Variants in APLF observed in about 807,000 individuals in gnomAD.
The protein encoded by APLF is aprataxin and PNK-like factor.
A neutral mutation model predicts 55.6 loss-of-function variants in APLF; 61 were observed. The ratio of observed to expected loss-of-function variants is 1.10; its 90% CI spans 0.89 to 1.36. The LOEUF is 1.36. APLF is among the 40% of genes most tolerant of loss of function. The pLI is 0.00. For synonymous variants in APLF, 207 were observed against 214.8 expected, an observed-to-expected ratio of 0.96 and a Z score of 0.32; for missense variants, 611 against 602.5, an observed-to-expected ratio of 1.01 and a Z score of -0.15.
intron 8 of APLF, among the ~76,000 whole-genome samples, chr2:68,560,396 A>G (rs976531192): frequency 6.6e-6 from 1 of 151,752 alleles, no homozygotes; most frequent in Non-Finnish European, 1.5e-5. Flanking sequence ...CTATTTAAAC[A>G]TGGTTTGTAG....
At position 68,502,893 on chromosome 2, in the gene APLF, T is replaced by G; in HGVS notation, c.331T>G (p.Cys111Gly). 6.2e-7 allele frequency: 1 copy of G among 1,602,862 alleles called. No individual in the cohort carries two copies. The highest frequency in any genetic ancestry group is 1.3e-5 in the African/African-American group (1 of 74,150). Residue 111 changes from cysteine to glycine, a missense_variant, in exon 3 of 10, where the codon TGT (cysteine) becomes GGT (glycine). Cys to Gly is a radical substitution (Grantham distance 159, BLOSUM62 -3). Coordinates refer to ENST00000303795, the MANE Select transcript of APLF (RefSeq NM_173545.3). Reference sequence around the variant, plus strand: ...TATACCCTCTGAAGTGGAAATGCAATGTACCTTAAGGTAAGTGCCTGATGA... The same window carrying G: ...TATACCCTCTGAAGTGGAAATGCAAGGTACCTTAAGGTAAGTGCCTGATGA... Reference protein sequence around the residue: ...LSIPSEVEMQCTLRNSQVLDE... With the variant: ...LSIPSEVEMQGTLRNSQVLDE...
At chr2:68,530,905 AAGGG>A (rs1670236096) in intron 6 of APLF, among the ~76,000 whole-genome samples, 5 of 152,200 alleles carry the variant, frequency 3.3e-5, no homozygotes, top group Non-Finnish European at 5.9e-5. Flanking sequence ...CTGGAAAAAA[AAGGG>A]AGGACCACTT....
Position 68,526,203 on chromosome 2 carries a change from C to T in APLF, c.765C>T (p.Cys255=), listed in dbSNP as rs527990506. ...TSAEQDTGEE[C]KNTDQEESTI... Reference sequence around the variant, plus strand: ...CAGAACAAGACACAGGAGAAGAGTGCAAAAATACTGATCAGGAAGAGTCTA... The same window carrying T: ...CAGAACAAGACACAGGAGAAGAGTGTAAAAATACTGATCAGGAAGAGTCTA... The change falls in exon 6 of 10, where the codon TGC becomes TGT. Residue 255 remains cysteine (C), a synonymous_variant. Coordinates refer to ENST00000303795, the MANE Select transcript of APLF (RefSeq NM_173545.3). The T allele has an allele frequency of 6.2e-7, 1 of 1,611,116 alleles. No homozygotes were observed. Among genetic ancestry groups the T allele is most frequent in the South Asian group, 1.1e-5 (1 of 90,088 alleles).
chr2:68,499,633 G>A (rs1465620624), intron 2 of APLF, among the ~76,000 whole-genome samples: 2 of 152,160 alleles, frequency 1.3e-5, no homozygotes, highest in Non-Finnish European at 2.9e-5. Context: ...GAGGCCAGGA[G>A]TTTGAGACCA....
intron 5 of APLF, among the ~76,000 whole-genome samples, chr2:68,519,042 A>AATAATATAATATATAATTAATATATAATG (rs1669801034): frequency 1.6e-5 from 2 of 126,932 alleles, no homozygotes; most frequent in African/African-American, 6.0e-5. Context: ...ATTAATATAT[A>AATAATATAATATATAATTAATATATAATG]ATAATATAAT....
At position 68,508,764 on chromosome 2, in the gene APLF, ACAATCCTAAGC is replaced by A. The variant is rs200664608; in HGVS notation, c.342-4312_342-4302del. Among the ~76,000 whole-genome samples the A allele has an allele frequency of 1.2e-3, 189 of 152,088 alleles. 4 individuals carry two copies. The East Asian group carries it at 0.026, about 21-fold the overall frequency. On this transcript the variant is annotated intron_variant, in intron 3 of 9. Coordinates refer to ENST00000303795, the MANE Select transcript of APLF (RefSeq NM_173545.3). Reference sequence around the variant, plus strand: ...ACAAAAAAGAGCCCACATTGCCAAGACAATCCTAAGCCAAAAGAACAAAGCTGGAGGCATCA... The same window carrying A: ...ACAAAAAAGAGCCCACATTGCCAAGACAAAAGAACAAAGCTGGAGGCATCA...
intron 1 of APLF, among the ~76,000 whole-genome samples, chr2:68,489,404 C>A (rs1676286226): frequency 6.6e-6 from 1 of 152,146 alleles, no homozygotes; most frequent in African/African-American, 2.4e-5. Flanking sequence ...TTTTCATTAT[C>A]TATCAATCAA....
intron 9 of APLF, among the ~76,000 whole-genome samples, chr2:68,577,366 G>A (rs1671654221): frequency 6.6e-6 from 1 of 152,134 alleles, no homozygotes; most frequent in African/African-American, 2.4e-5. Context: ...TGCTGTTCTT[G>A]TGGCAGAGGG....
At chr2:68,544,741 A>C (rs1030721769) in intron 7 of APLF, among the ~76,000 whole-genome samples, 2 of 152,246 alleles carry the variant, frequency 1.3e-5, no homozygotes, top group East Asian at 1.9e-4. Context: ...TAGTAAATGG[A>C]TTTAGTGATT....
chr2:68,572,843 A>G (rs1331755430), intron 9 of APLF, among the ~76,000 whole-genome samples: 2 of 122,564 alleles, frequency 1.6e-5, no homozygotes, highest in Non-Finnish European at 3.5e-5. Flanking sequence ...TGTCTCAACA[A>G]AACAAAACAA....
chr2:68,554,953 G>T (rs1000245607), intron 8 of APLF, among the ~76,000 whole-genome samples: 17 of 151,970 alleles, frequency 1.1e-4, no homozygotes, highest in African/African-American at 3.9e-4. Flanking sequence ...CTGGCATAAA[G>T]ATAGGCACAT....
At chr2:68,502,517 C>A (rs1416707013) in intron 2 of APLF, among the ~76,000 whole-genome samples, 2 of 151,378 alleles carry the variant, frequency 1.3e-5, no homozygotes, top group Non-Finnish European at 2.9e-5. Flanking sequence ...GGAGGTATAC[C>A]ATAGCTTCTT....
intron 8 of APLF, among the ~76,000 whole-genome samples, chr2:68,567,080 G>GT (rs1458042965): frequency 6.6e-6 from 1 of 151,868 alleles, no homozygotes. Flanking sequence ...TATATATTTT[G>GT]TCTTTTCCCT....
At chr2:68,496,160 G>A (rs754822414) in intron 2 of APLF, among the ~76,000 whole-genome samples, 1 of 152,196 alleles carries the variant, frequency 6.6e-6, no homozygotes, top group African/African-American at 2.4e-5. Context: ...GGAGTGTAGT[G>A]GTGTGATTTC....
intron 1 of APLF, among the ~76,000 whole-genome samples, chr2:68,481,362 G>GTTTTA (rs1355483371): frequency 5.2e-3 from 11 of 2,120 alleles, no homozygotes; most frequent in Non-Finnish European, 0.047. Context: ...TGGGCTGGCA[G>GTTTTA]TTTTGTTTTG....
intron 9 of APLF, among the ~76,000 whole-genome samples, chr2:68,577,015 GAC>G (rs1411711194): frequency 6.6e-6 from 1 of 152,128 alleles, no homozygotes; most frequent in African/African-American, 2.4e-5. Context: ...TGAATTTGGA[GAC>G]AGAAGAATTC....
intron 8 of APLF, among the ~76,000 whole-genome samples, chr2:68,552,697 A>T (rs779523183): frequency 8.5e-5 from 13 of 152,178 alleles, no homozygotes; most frequent in Admixed American, 2.0e-4. Context: ...TGCTTAGGAT[A>T]GTAATGTCAA....
At chr2:68,481,669 T>C (rs1461667567) in intron 1 of APLF, among the ~76,000 whole-genome samples, 3 of 152,206 alleles carry the variant, frequency 2.0e-5, no homozygotes, top group African/African-American at 7.2e-5. Flanking sequence ...TGGGAGGTTT[T>C]CAGCTATTAT....
chr2:68,544,656 T>G (rs1670650021), intron 7 of APLF, among the ~76,000 whole-genome samples: 1 of 151,850 alleles, frequency 6.6e-6, no homozygotes, highest in African/African-American at 2.4e-5. Context: ...AGTTTTAATC[T>G]TTTTTTTAGT....
Sources: gnomAD v4.1 joint callset for allele counts (sites outside exome capture counted in the v4.1 genomes callset) on GRCh38, gnomAD v4.1.1 for gene constraint, MANE v1.5 for transcripts, NCBI Gene and HGNC (gene_info 2026-07-23, HGNC 2026-07-21) for gene names.